Variants in CHST10 observed in about 807,000 individuals in gnomAD.
CHST10 encodes carbohydrate sulfotransferase 10.
In CHST10, 24 loss-of-function variants were observed where a neutral mutation model predicts 34.7. That is an observed-to-expected ratio of 0.69 (90% CI 0.50 to 0.97). The LOEUF is 0.97. Among genes scored for constraint, CHST10 ranks in the 50% least tolerant of loss-of-function variants. The pLI is 0.00. For missense variants in CHST10, 402 were observed against 452.1 expected (o/e 0.89, Z 1.00); for synonymous variants, 161 against 169.3 (o/e 0.95, Z 0.38).
At chr2:100,416,569 G>C (rs1256223038) in intron 1 of CHST10, 1 of 179,572 alleles carries the variant, frequency 5.6e-6, no homozygotes, top group Non-Finnish European at 1.2e-5. Flanking sequence ...CAGAGAGCCA[G>C]AGCTAAACTG....
At chr2:100,395,477 T>TC in intron 6 of CHST10, 32 bp downstream of exon 6, 1 of 1,581,688 alleles carries the variant, frequency 6.3e-7, no homozygotes, top group East Asian at 2.3e-5. Context: ...TTACAAAAAC[T>TC]CCCCCCTCCC....
chr2:100,393,771 T>C lies in CHST10; in HGVS notation c.545A>G (p.Tyr182Cys). The C allele has an allele frequency of 6.2e-7, 1 of 1,606,756 alleles. No homozygotes were observed. The highest frequency in any genetic ancestry group is 8.5e-7 in the Non-Finnish European group (1 of 1,178,286). Residue 182 changes from tyrosine to cysteine, a missense_variant, in exon 7 of 7, where the codon TAC (tyrosine) becomes TGC (cysteine). Coordinates refer to ENST00000264249, the MANE Select transcript of CHST10 (RefSeq NM_004854.5). ...ATCTCTTACAATAAAAAACTTGAAG[T>C]ATGTTTTCAATCTAAGGAAAAAAAC... ...DAEIQKRLKT[Y>C]FKFFIVRDPF...
intron 2 of CHST10, among the ~76,000 whole-genome samples, chr2:100,407,298 T>C (rs901397569): frequency 5.9e-5 from 9 of 152,176 alleles, no homozygotes; most frequent in Admixed American, 2.0e-4. Context: ...GTGGGTGTTT[T>C]TCATGCTGTC....
intron 2 of CHST10, among the ~76,000 whole-genome samples, chr2:100,407,238 G>A (rs1257361104): frequency 2.0e-5 from 3 of 152,194 alleles, no homozygotes; most frequent in East Asian, 3.9e-4. Context: ...GAACACTGAC[G>A]CTTCTCGCCT....
intron 4 of CHST10, 84 bp from the exon 5 acceptor site, chr2:100,398,226 A>G (rs963423686): frequency 4.3e-6 from 4 of 933,634 alleles, no homozygotes; most frequent in African/African-American, 1.6e-5. Context: ...CTGCTGGTCT[A>G]TCCCCTCCTT....
At chr2:100,400,673 T>C (rs143916536) in intron 4 of CHST10, among the ~76,000 whole-genome samples, 5 of 152,332 alleles carry the variant, frequency 3.3e-5, no homozygotes, top group South Asian at 2.1e-4. Flanking sequence ...GGCTACACCA[T>C]GCACAAAGTA....
rs1255851037 is a variant in CHST10, at chr2:100,397,962, G to A, written c.373C>T (p.Gln125Ter). 1 of 1,614,142 alleles carries A rather than the reference G, an allele frequency of 6.2e-7. No homozygotes were observed. The change falls in exon 5 of 7, where the codon CAG becomes TAG. Residue 125 changes from glutamine to a stop codon, truncating the protein, a stop_gained. Coordinates refer to ENST00000264249, the MANE Select transcript of CHST10 (RefSeq NM_004854.5). LOFTEE classifies it high-confidence loss of function. Reference sequence around the variant, plus strand: ...TGGGTGTTGCCCACTTTGGGAGTCTGGCAGAAAAGAATCTTGTGCTTGTCA... The same window carrying A: ...TGGGTGTTGCCCACTTTGGGAGTCTAGCAGAAAAGAATCTTGTGCTTGTCA... ...VCDKHKILFC[Q>*]TPKVGNTQWK...
intron 5 of CHST10, 51 bp from the exon 6 acceptor site, chr2:100,395,665 TA>T (rs753613133): frequency 2.1e-6 from 3 of 1,435,356 alleles, no homozygotes; most frequent in Non-Finnish European, 2.9e-6. Flanking sequence ...GTACGCCCCT[TA>T]GAGAAGGGCA....
chr2:100,402,430 A>T, intron 4 of CHST10, 134 bp downstream of exon 4: 1 of 692,584 alleles, frequency 1.4e-6, no homozygotes. Context: ...GTGAACTAAC[A>T]TGGAGAAGTA....
chr2:100,402,668 G>A lies in CHST10; in HGVS notation c.101-13C>T, dbSNP rs935476525. 1 of 1,609,330 alleles carries A rather than the reference G, an allele frequency of 6.2e-7. No homozygotes were observed. Among genetic ancestry groups the A allele is most frequent in the East Asian group, 2.2e-5 (1 of 44,842 alleles). On this transcript the variant is annotated splice_polypyrimidine_tract_variant and intron_variant, in intron 3 of 6. Transcript: ENST00000264249. ...TTGGCACTGTACACTGGAAGACAGA[G>A]AGGTTGAATGTCTTCTCTAAAAGGA...
intron 4 of CHST10, among the ~76,000 whole-genome samples, chr2:100,400,400 C>T (rs1236271837): frequency 1.3e-5 from 2 of 151,964 alleles, no homozygotes; most frequent in Non-Finnish European, 1.5e-5. Flanking sequence ...CCACCATAAC[C>T]ACCTGATTTT....
chr2:100,399,100 CTCTT>C (rs1001323813), intron 4 of CHST10, among the ~76,000 whole-genome samples: 3 of 129,500 alleles, frequency 2.3e-5, no homozygotes, highest in East Asian at 3.2e-4. Context: ...CTCTCTCTCT[CTCTT>C]TTTTTTTTTT....
intron 3 of CHST10, among the ~76,000 whole-genome samples, chr2:100,404,664 T>C (rs2104360364): frequency 6.6e-6 from 1 of 152,334 alleles, no homozygotes; most frequent in Non-Finnish European, 1.5e-5. Context: ...AGACCTCATT[T>C]ACCAGATGCC....
chr2:100,406,786 TTCAG>T, intron 2 of CHST10, 79 bp from the exon 3 acceptor site: 5 of 1,556,498 alleles, frequency 3.2e-6, no homozygotes, highest in Non-Finnish European at 4.4e-6. Context: ...GACAGGTGAT[TTCAG>T]TCAGTAAGTA....
intron 2 of CHST10, among the ~76,000 whole-genome samples, chr2:100,412,440 C>T (rs1318220548): frequency 6.6e-6 from 1 of 151,724 alleles, no homozygotes; most frequent in Admixed American, 6.6e-5. Flanking sequence ...TGGGGCGGTA[C>T]CTGGGAAACT....
At chr2:100,400,499 C>G (rs1324003230) in intron 4 of CHST10, among the ~76,000 whole-genome samples, 2 of 152,232 alleles carry the variant, frequency 1.3e-5, no homozygotes, top group Non-Finnish European at 2.9e-5. Flanking sequence ...CTTAGCCTCC[C>G]AAAGTGCTGG....
chr2:100,393,551 C>A lies in CHST10; in HGVS notation c.765G>T (p.Gln255His). ...CCCAGTGAATGATGTGGTCCCCAAA[C>A]TGAAGGTCTAGCCATCTGTGGTTCG... ...GDPNHRWLDL[Q>H]FGDHIIHWVT... Residue 255 changes from glutamine to histidine, a missense_variant, in exon 7 of 7, where the codon CAG becomes CAT. Transcript: ENST00000264249. The A allele has an allele frequency of 6.2e-7, 1 of 1,614,144 alleles. No individual in the cohort carries two copies.
rs1194976791 is a variant in CHST10, at chr2:100,397,830, C to T, written c.427+78G>A. 7 of 1,194,278 alleles carry T rather than the reference C, an allele frequency of 5.9e-6. No homozygotes were observed. The African/African-American group carries it at 9.1e-5, about 16-fold the overall frequency. 74.0% of individuals were successfully genotyped at this position (1,194,278 alleles called of 1,614,324 possible). ...TCAAACCAGCCCTCTTGTGACTCCTCCTTGCTGTCCTCCCCAGCCTCCTCA... is the reference window on the plus strand; with the variant it reads ...TCAAACCAGCCCTCTTGTGACTCCTTCTTGCTGTCCTCCCCAGCCTCCTCA... On this transcript the variant is annotated intron_variant, in intron 5 of 6. Coordinates refer to ENST00000264249, the MANE Select transcript of CHST10 (RefSeq NM_004854.5).
At chr2:100,402,497 A>T in intron 4 of CHST10, 67 bp downstream of exon 4, 1 of 1,302,056 alleles carries the variant, frequency 7.7e-7, no homozygotes, top group Non-Finnish European at 1.1e-6. Flanking sequence ...CCACAGGGGA[A>T]GGCCAGCTCC....
Sources: allele counts gnomAD v4.1 joint callset (sites outside exome capture counted in the v4.1 genomes callset), GRCh38; gene constraint gnomAD v4.1.1; transcripts MANE v1.5; gene names NCBI Gene and HGNC (gene_info 2026-07-23, HGNC 2026-07-21).